The following SEMA6D variants were observed in gnomAD, a reference collection of about 807,000 sequenced individuals.
SEMA6D encodes the protein semaphorin 6D, also known as semaphorin-6D.
SEMA6D carries 35 observed loss-of-function variants against 106.6 expected under a neutral mutation model. The ratio of observed to expected loss-of-function variants is 0.33; its 90% CI spans 0.25 to 0.44. The LOEUF is 0.44. Among genes scored for constraint, SEMA6D ranks in the 20% least tolerant of loss-of-function variants. The pLI is 1.00. For missense variants in SEMA6D, 1,185 were observed against 1,345.9 expected (o/e 0.88, Z 1.87); for synonymous variants, 499 against 487.7 (o/e 1.02, Z -0.31).
intron 13 of SEMA6D, 172 bp downstream of exon 13, chr15:47,765,228 C>G: frequency 7.1e-7 from 1 of 1,400,880 alleles, no homozygotes; most frequent in Non-Finnish European, 9.2e-7. Flanking sequence ...CCCGAGCCTG[C>G]TAGGGCGAGG....
intron 4 of SEMA6D, among the ~76,000 whole-genome samples, chr15:47,648,135 A>G (rs1596527701): frequency 6.6e-6 from 1 of 152,124 alleles, no homozygotes; most frequent in Admixed American, 6.5e-5. Context: ...AATATTGATG[A>G]TACAAAATAT....
chr15:47,316,102 C>CTTTTTTTTTTTTTTTT (rs67090828), intron 1 of SEMA6D, among the ~76,000 whole-genome samples: 30 of 81,448 alleles, frequency 3.7e-4, no homozygotes, highest in East Asian at 2.8e-3. Context: ...CATTTATTTC[C>CTTTTTTTTTTTTTTTT]TTTTTTTTGA....
intron 3 of SEMA6D, among the ~76,000 whole-genome samples, chr15:47,498,339 A>G (rs1274556892): frequency 6.6e-6 from 1 of 152,130 alleles, no homozygotes; most frequent in African/African-American, 2.4e-5. Flanking sequence ...GCCTGAAGCA[A>G]AACCGCAAAA....
At chr15:47,689,019 G>A (rs888676806) in intron 4 of SEMA6D, among the ~76,000 whole-genome samples, 8 of 152,162 alleles carry the variant, frequency 5.3e-5, no homozygotes, top group Non-Finnish European at 1.2e-4. Flanking sequence ...AAATATAATG[G>A]ATTTAATATT....
chr15:47,751,024 T>A (rs1378363006), intron 1 of SEMA6D, among the ~76,000 whole-genome samples: 1 of 152,168 alleles, frequency 6.6e-6, no homozygotes, highest in Non-Finnish European at 1.5e-5. Flanking sequence ...CTGCCCCAGC[T>A]CTACTTCGGG....
chr15:47,380,879 A>C (rs1182344154), intron 1 of SEMA6D, among the ~76,000 whole-genome samples: 1 of 152,256 alleles, frequency 6.6e-6, no homozygotes, highest in African/African-American at 2.4e-5. Flanking sequence ...CTTAAAAGTC[A>C]GTTGAAAGCA....
intron 1 of SEMA6D, among the ~76,000 whole-genome samples, chr15:47,191,035 C>T (rs764519909): frequency 3.0e-4 from 45 of 152,004 alleles, no homozygotes; most frequent in Admixed American, 2.0e-3. Flanking sequence ...TAGCCGGGTG[C>T]AGTCATACAC....
intron 13 of SEMA6D, 82 bp from the exon 14 acceptor site, chr15:47,765,787 T>A: frequency 7.7e-7 from 1 of 1,301,818 alleles, no homozygotes; most frequent in Non-Finnish European, 1.0e-6. Flanking sequence ...TTCCTTATGA[T>A]TTCCCAGGTC....
chr15:47,485,510 G>A (rs1463455825), intron 3 of SEMA6D, among the ~76,000 whole-genome samples: 4 of 152,050 alleles, frequency 2.6e-5, no homozygotes, highest in Non-Finnish European at 4.4e-5. Flanking sequence ...TGGTTTAATC[G>A]CAAATGAATA....
At chr15:47,724,097 T>C (rs980916705) in intron 1 of SEMA6D, among the ~76,000 whole-genome samples, 1 of 152,218 alleles carries the variant, frequency 6.6e-6, no homozygotes, top group Non-Finnish European at 1.5e-5. Context: ...CAAGCATTTT[T>C]TGGTCTACAG....
chr15:47,771,241 C>T lies in SEMA6D; in HGVS notation c.2678C>T (p.Pro893Leu). 1.9e-6 allele frequency: 3 copies of T among 1,614,034 alleles called. No homozygotes were observed. The highest frequency in any genetic ancestry group is 2.5e-6 in the Non-Finnish European group (3 of 1,179,982). The change falls in exon 19 of 19, where the codon CCC becomes CTC. Residue 893 changes from proline (P) to leucine (L), a missense_variant. By Grantham distance (98) the Pro-to-Leu change is moderately conservative. Transcript: ENST00000536845. ...CATCTGAATGACCCAAATAGTAACC[C>T]CAAAGCCATCATGGGAGACATCCAG... is the stretch of plus-strand genomic sequence containing the variant. The part of the protein sequence containing the change: ...LKHLNDPNSN[P>L]KAIMGDIQMA...
chr15:47,686,159 A>C (rs2078463816), intron 4 of SEMA6D, among the ~76,000 whole-genome samples: 1 of 152,230 alleles, frequency 6.6e-6, no homozygotes, highest in African/African-American at 2.4e-5. Context: ...TCATTTATTT[A>C]CTTATACTCT....
Position 47,771,692 on chromosome 15 carries a change from G to C in SEMA6D, c.3129G>C (p.Lys1043Asn), listed in dbSNP as rs2082637254. Residue 1043 changes from lysine (K) to asparagine (N), a missense_variant, in exon 19 of 19, where the codon AAG becomes AAC. By Grantham distance (94) the Lys-to-Asn change is moderately conservative. This residue lies in a region of SEMA6D where 750 missense variants were observed against 783.5 expected (regional missense o/e 0.96). Transcript: ENST00000536845. The stretch of plus-strand genomic sequence containing the variant: ...GCACTCTTCCTAGGACGGGACTAAA[G>C]AGGACGCCGTCCTTAAAACCTGACG... ...SNGTLPRTGLKRTPSLKPDVP... is the reference protein window; with the variant it reads ...SNGTLPRTGLNRTPSLKPDVP... 6.2e-7 allele frequency: 1 copy of C among 1,614,062 alleles called. No individual in the cohort carries two copies. Among genetic ancestry groups the C allele is most frequent in the Non-Finnish European group, 8.5e-7 (1 of 1,179,964 alleles).
chr15:47,512,106 A>G (rs1566845275), intron 3 of SEMA6D, among the ~76,000 whole-genome samples: 1 of 152,188 alleles, frequency 6.6e-6, no homozygotes, highest in Admixed American at 6.5e-5. Context: ...GCTGATACCA[A>G]TACATAAGCT....
intron 3 of SEMA6D, among the ~76,000 whole-genome samples, chr15:47,518,110 G>C (rs1216753473): frequency 6.6e-6 from 1 of 152,130 alleles, no homozygotes; most frequent in Non-Finnish European, 1.5e-5. Flanking sequence ...CAGCTTCTAG[G>C]GATAAGGCTA....
At chr15:47,196,347 C>A (rs1210356679) in intron 1 of SEMA6D, among the ~76,000 whole-genome samples, 1 of 152,108 alleles carries the variant, frequency 6.6e-6, no homozygotes, top group East Asian at 1.9e-4. Flanking sequence ...TGCAGAGAGG[C>A]TTTCTGAGCC....
chr15:47,621,663 C>A (rs1047512432), intron 4 of SEMA6D, among the ~76,000 whole-genome samples: 2 of 152,128 alleles, frequency 1.3e-5, no homozygotes, highest in Non-Finnish European at 2.9e-5. Context: ...CCTCCACACC[C>A]ACAGCCCCAC....
chr15:47,424,208 A>G (rs2041259709), intron 2 of SEMA6D, among the ~76,000 whole-genome samples: 1 of 152,126 alleles, frequency 6.6e-6, no homozygotes, highest in African/African-American at 2.4e-5. Context: ...TCCTCTGATT[A>G]GAAGACTACC....
chr15:47,329,539 A>G (rs1279344680), intron 1 of SEMA6D, among the ~76,000 whole-genome samples: 1 of 152,232 alleles, frequency 6.6e-6, no homozygotes, highest in East Asian at 1.9e-4. Flanking sequence ...AGAGTAAATC[A>G]TTGGGATTTA....
Sources: gnomAD v4.1 joint callset for allele counts (sites outside exome capture counted in the v4.1 genomes callset) on GRCh38, gnomAD v4.1.1 for gene constraint, gnomAD v4.1.1 regional missense constraint, MANE v1.5 for transcripts, NCBI Gene and HGNC (gene_info 2026-07-23, HGNC 2026-07-21) for gene names.